TANGO6: variants seen among roughly 807,000 people sequenced by gnomAD.
The protein encoded by TANGO6 is transport and golgi organization 6 homolog.
TANGO6 carries 90 observed loss-of-function variants against 114.2 expected under a neutral mutation model. The ratio of observed to expected loss-of-function variants is 0.79; its 90% confidence interval spans 0.66 to 0.94. The LOEUF (loss-of-function observed/expected upper bound fraction) is 0.94, where lower values mean the gene tolerates loss of function less well. Among genes scored for constraint, TANGO6 ranks in the 40% least tolerant of loss-of-function variants. The pLI, the probability that TANGO6 is intolerant of heterozygous loss-of-function variation, is 0.00. For missense variants in TANGO6, 1,274 were observed against 1,315.3 expected, an observed-to-expected ratio of 0.97 and a Z score of 0.49; for synonymous variants, 477 against 509.8, an observed-to-expected ratio of 0.94 and a Z score of 0.87.
At chr16:68,960,217 G>A (rs1336375521) in intron 14 of TANGO6, among the ~76,000 whole-genome samples, 1 of 151,458 alleles carries the variant, frequency 6.6e-6, no homozygotes, top group Admixed American at 6.6e-5. Context: ...AATGCTTAGG[G>A]CAGTGATTAC....
At chr16:68,998,740 A>G (rs1964015053) in intron 15 of TANGO6, among the ~76,000 whole-genome samples, 1 of 152,008 alleles carries the variant, frequency 6.6e-6, no homozygotes, top group Non-Finnish European at 1.5e-5. Flanking sequence ...CAAAAAAAAA[A>G]AAAAACCAGT....
chr16:69,080,962 C>A (rs1052396988), intron 17 of TANGO6, among the ~76,000 whole-genome samples: 1 of 152,022 alleles, frequency 6.6e-6, no homozygotes, highest in African/African-American at 2.4e-5. Context: ...CACGGTGAAA[C>A]CCTGTCTCTA....
intron 16 of TANGO6, among the ~76,000 whole-genome samples, chr16:69,025,686 T>A (rs1959489735): frequency 6.6e-6 from 1 of 152,136 alleles, no homozygotes. Flanking sequence ...AAGTTTGCAC[T>A]GGGTACCTGC....
chr16:69,017,423 T>C (rs1462221239), intron 15 of TANGO6, among the ~76,000 whole-genome samples: 1 of 152,208 alleles, frequency 6.6e-6, no homozygotes, highest in Non-Finnish European at 1.5e-5. Flanking sequence ...TTAGTAAACA[T>C]TAAAATGTTT....
intron 15 of TANGO6, among the ~76,000 whole-genome samples, 191 bp downstream of exon 15, chr16:68,974,359 T>C (rs575006253): frequency 2.0e-5 from 3 of 152,294 alleles, no homozygotes; most frequent in Middle Eastern, 3.4e-3. Context: ...ATGTCCTTTT[T>C]CTTAAACCTG....
At chr16:69,009,790 C>T (rs1252541624) in intron 15 of TANGO6, among the ~76,000 whole-genome samples, 1 of 152,140 alleles carries the variant, frequency 6.6e-6, no homozygotes, top group Non-Finnish European at 1.5e-5. Context: ...CTTTTCAATG[C>T]AATTGCAAAT....
chr16:68,868,544 C>G (rs992622905), intron 4 of TANGO6, among the ~76,000 whole-genome samples: 2 of 140,432 alleles, frequency 1.4e-5, no homozygotes, highest in African/African-American at 5.6e-5. Context: ...TTCACCCAGG[C>G]TAGAGCGCAG....
In TANGO6 at chr16:68,867,764, G is replaced by A. The variant is rs556806389; in HGVS notation, c.994+544G>A. On this transcript the variant is annotated intron_variant, in intron 4 of 17. Transcript: ENST00000261778. ...AGGCAGGAGAATCATTTGAACTTTG[G>A]AGGTGGAGGTTGCAGTGAGCCAAGA... 468 of 153,394 alleles carry A rather than the reference G, an allele frequency of 3.1e-3. 1 individual carries two copies. Among genetic ancestry groups the A allele is most frequent in the Non-Finnish European group, 5.1e-3 (350 of 68,914 alleles). The allele number at this position is 153,394 out of a possible 1,614,324, so 9.5% of individuals were successfully genotyped here. A position where few individuals can be genotyped will look rare whatever the true frequency, so the allele number is the denominator to read the frequency against.
At chr16:68,883,975 C>G (rs1315596023) in intron 7 of TANGO6, among the ~76,000 whole-genome samples, 1 of 151,940 alleles carries the variant, frequency 6.6e-6, no homozygotes, top group East Asian at 1.9e-4. Flanking sequence ...AGTGAGATGA[C>G]CTTGGCTGAC....
At chr16:69,067,807 C>T (rs561866583) in intron 17 of TANGO6, among the ~76,000 whole-genome samples, 1 of 151,330 alleles carries the variant, frequency 6.6e-6, no homozygotes, top group East Asian at 2.0e-4. Context: ...TGTGGTGGCA[C>T]ATGACTGTAA....
At chr16:68,930,991 G>T (rs1016145171) in intron 14 of TANGO6, among the ~76,000 whole-genome samples, 1 of 152,034 alleles carries the variant, frequency 6.6e-6, no homozygotes, top group African/African-American at 2.4e-5. Context: ...AGAACTCAGG[G>T]TATTAAATAT....
At chr16:69,058,560 G>A (rs1960068214) in intron 17 of TANGO6, among the ~76,000 whole-genome samples, 1 of 152,214 alleles carries the variant, frequency 6.6e-6, no homozygotes, top group South Asian at 2.1e-4. Flanking sequence ...TGTTCTGAAG[G>A]AACTAATTAG....
intron 11 of TANGO6, among the ~76,000 whole-genome samples, chr16:68,910,859 TA>T (rs2152186786): frequency 6.6e-6 from 1 of 152,012 alleles, no homozygotes; most frequent in Admixed American, 6.6e-5. Context: ...GTATTTTTAG[TA>T]GAGATGGGGT....
intron 2 of TANGO6, among the ~76,000 whole-genome samples, chr16:68,862,624 A>G (rs1962113631): frequency 6.6e-6 from 1 of 152,238 alleles, no homozygotes; most frequent in Non-Finnish European, 1.5e-5. Context: ...AAAGAGCAGA[A>G]GAAAATGTGC....
At chr16:68,914,580 G>A (rs1178177877) in intron 11 of TANGO6, among the ~76,000 whole-genome samples, 1 of 152,184 alleles carries the variant, frequency 6.6e-6, no homozygotes, top group African/African-American at 2.4e-5. Flanking sequence ...TTCACTATAA[G>A]CTTTCAGGAA....
chr16:68,860,375 T>C lies in TANGO6; in HGVS notation c.586T>C (p.Tyr196His), dbSNP rs771726560. 6 of 1,614,020 alleles carry C rather than the reference T, an allele frequency of 3.7e-6. No homozygotes were observed. The highest frequency in any genetic ancestry group is 1.1e-5 in the South Asian group (1 of 91,080). The change falls in exon 2 of 18, where the codon TAC becomes CAC. Residue 196 changes from tyrosine (Y) to histidine (H), a missense_variant. Physicochemically the swap from Tyr to His is moderately conservative, Grantham distance 83 (BLOSUM62 2). Around this residue, in one of 5 missense-constraint regions of TANGO6, gnomAD observed 908 missense variants for 910.2 expected, o/e 1.00. Transcript: ENST00000261778. ...DAAPDATRRL[Y>H]TSCKALLNVA... Reference sequence around the variant, plus strand: ...TGCCCCCGATGCAACTCGAAGACTGTACACCAGCTGCAAGGCCCTTCTGAA... The same window carrying C: ...TGCCCCCGATGCAACTCGAAGACTGCACACCAGCTGCAAGGCCCTTCTGAA...
chr16:68,874,042 T>C (rs1228895413), intron 4 of TANGO6, among the ~76,000 whole-genome samples: 1 of 152,240 alleles, frequency 6.6e-6, no homozygotes, highest in South Asian at 2.1e-4. Flanking sequence ...CCAGCCTTTA[T>C]GAACCGTGGG....
intron 14 of TANGO6, among the ~76,000 whole-genome samples, chr16:68,950,520 G>A (rs1329853608): frequency 4.6e-5 from 7 of 151,320 alleles, no homozygotes; most frequent in African/African-American, 7.3e-5. Context: ...AGCCGAGATC[G>A]AGCCACTGTA....
intron 7 of TANGO6, among the ~76,000 whole-genome samples, chr16:68,885,259 T>C (rs1177120448): frequency 6.6e-6 from 1 of 152,212 alleles, no homozygotes; most frequent in Non-Finnish European, 1.5e-5. Flanking sequence ...TTTTTTTCTC[T>C]CTCTCTTTTT....
Sources: allele counts gnomAD v4.1 joint callset (sites outside exome capture counted in the v4.1 genomes callset), GRCh38; gene constraint gnomAD v4.1.1; regional missense constraint gnomAD v4.1.1; transcripts MANE v1.5; gene names NCBI Gene and HGNC (gene_info 2026-07-23, HGNC 2026-07-21).